ZBTB20: variants seen among roughly 807,000 people sequenced by gnomAD.
ZBTB20 encodes the protein zinc finger and BTB domain containing 20, also known as zinc finger and BTB domain-containing protein 20.
A neutral mutation model predicts 56.9 loss-of-function variants in ZBTB20; 9 were observed. The observed-to-expected ratio is 0.16, with a 90% CI of 0.10 to 0.28. The LOEUF is 0.28. ZBTB20 is among the 10% of genes least tolerant of loss of function. ZBTB20 has a pLI of 1.00. For synonymous variants in ZBTB20, 417 were observed against 420.7 expected, an observed-to-expected ratio of 0.99 and a Z score of 0.11; for missense variants, 655 against 1,003.0, an observed-to-expected ratio of 0.65 and a Z score of 4.69.
intron 4 of ZBTB20, among the ~76,000 whole-genome samples, chr3:114,891,687 T>C (rs190745712): frequency 5.3e-5 from 8 of 152,318 alleles, no homozygotes; most frequent in African/African-American, 1.9e-4. Context: ...CGATTAAATA[T>C]ATACCTGCCA....
At chr3:114,723,814 AAGCTTATTCC>A (rs1324213981) in intron 5 of ZBTB20, among the ~76,000 whole-genome samples, 2 of 152,188 alleles carry the variant, frequency 1.3e-5, no homozygotes, top group African/African-American at 4.8e-5. Context: ...AAATAATAAA[AAGCTTATTCC>A]AGTAGCCTTT....
At chr3:114,610,712 C>T (rs1213868510) in intron 6 of ZBTB20, among the ~76,000 whole-genome samples, 1 of 152,124 alleles carries the variant, frequency 6.6e-6, no homozygotes, top group Non-Finnish European at 1.5e-5. Flanking sequence ...AAGATGTGTA[C>T]TGGTGGTCTA....
chr3:114,763,596 T>C (rs996278033), intron 5 of ZBTB20, among the ~76,000 whole-genome samples: 1 of 152,148 alleles, frequency 6.6e-6, no homozygotes, highest in African/African-American at 2.4e-5. Flanking sequence ...ATATAGTACC[T>C]CAGTGTCTCC....
At chr3:114,558,535 A>G (rs1327131933) in intron 6 of ZBTB20, among the ~76,000 whole-genome samples, 3 of 152,032 alleles carry the variant, frequency 2.0e-5, no homozygotes, top group African/African-American at 7.2e-5. Flanking sequence ...CTGTTCAACA[A>G]AAGACATTTC....
At chr3:114,984,177 T>A (rs2078440340) in intron 2 of ZBTB20, among the ~76,000 whole-genome samples, 1 of 151,960 alleles carries the variant, frequency 6.6e-6, no homozygotes, top group Non-Finnish European at 1.5e-5. Context: ...GATCACAGGG[T>A]TTAGGATGTC....
In ZBTB20 at chr3:114,329,709, G is replaced by GAAAAA. The variant is rs57058775; in HGVS notation, c.*9291_*9295dup. The GAAAAA allele has an allele frequency of 9.4e-5, 6 of 63,918 alleles. No individual in the cohort carries two copies. The highest frequency in any genetic ancestry group is 1.6e-4 in the Non-Finnish European group (6 of 37,308). 4.0% of individuals were successfully genotyped at this position (63,918 alleles called of 1,614,324 possible). On this transcript the variant is annotated 3_prime_UTR_variant, in exon 12 of 12. Coordinates refer to ENST00000675478, the MANE Select transcript of ZBTB20 (RefSeq NM_001348800.3). ...TGAAACTCTGGTTTTACTTTTTTTG[G>GAAAAA]AAAAAAAAAAAAAAAAAAAAAAAAA...
At chr3:114,929,997 TAA>T (rs769866768) in intron 3 of ZBTB20, among the ~76,000 whole-genome samples, 5 of 152,192 alleles carry the variant, frequency 3.3e-5, no homozygotes, top group African/African-American at 9.7e-5. Flanking sequence ...ACAAAATGAA[TAA>T]GAGTACAACA....
intron 2 of ZBTB20, among the ~76,000 whole-genome samples, chr3:115,032,588 C>G (rs142337007): frequency 0.015 from 2,315 of 151,482 alleles, 32 homozygotes; most frequent in South Asian, 0.049. Context: ...AATACGCAAT[C>G]TTCTCAAGTG....
chr3:114,898,718 A>C (rs603796), intron 4 of ZBTB20, among the ~76,000 whole-genome samples: 131,604 of 152,060 alleles, frequency 0.87, 57,996 homozygotes, highest in East Asian at 0.99. Context: ...AGGTTAAATT[A>C]ATACCAAAGT....
intron 1 of ZBTB20, among the ~76,000 whole-genome samples, chr3:115,095,566 CAAAAACA>C (rs774500586): frequency 6.6e-6 from 1 of 151,736 alleles, no homozygotes; most frequent in Non-Finnish European, 1.5e-5. Flanking sequence ...GCTAGAGTGG[CAAAAACA>C]AAAAACAAAA....
At chr3:115,115,752 A>AT (rs1553897215) in intron 1 of ZBTB20, among the ~76,000 whole-genome samples, 1 of 152,034 alleles carries the variant, frequency 6.6e-6, no homozygotes, top group Non-Finnish European at 1.5e-5. Context: ...TAATTTAATG[A>AT]TTTTGTAAAG....
intron 3 of ZBTB20, among the ~76,000 whole-genome samples, chr3:114,920,100 T>C (rs760848008): frequency 6.6e-6 from 1 of 152,158 alleles, no homozygotes; most frequent in Non-Finnish European, 1.5e-5. Flanking sequence ...ATACATGCAC[T>C]CAACATTAGA....
intron 7 of ZBTB20, among the ~76,000 whole-genome samples, chr3:114,401,083 G>C (rs868429930): frequency 3.2e-4 from 43 of 133,092 alleles, no homozygotes; most frequent in African/African-American, 6.4e-4. Context: ...CTACCTCCCA[G>C]ACACACACAC....
chr3:114,538,344 C>T (rs1214099411), intron 6 of ZBTB20, among the ~76,000 whole-genome samples: 3 of 152,134 alleles, frequency 2.0e-5, no homozygotes, highest in Non-Finnish European at 4.4e-5. Context: ...CACAATTCTT[C>T]AACATTAGTA....
chr3:115,088,366 G>A (rs1297607471), intron 1 of ZBTB20, among the ~76,000 whole-genome samples: 1 of 151,714 alleles, frequency 6.6e-6, no homozygotes, highest in African/African-American at 2.4e-5. Context: ...CAATAAACTT[G>A]TAAGTCTGCT....
In ZBTB20 at chr3:114,329,735, A is replaced by AAC. The variant is rs1553785011; in HGVS notation, c.*9269_*9270insGT. On this transcript the variant is annotated 3_prime_UTR_variant, in exon 12 of 12. Coordinates refer to ENST00000675478, the MANE Select transcript of ZBTB20 (RefSeq NM_001348800.3). ...AAAAAAAAAAAAAAAAAAAAAAAAA[A>AAC]AACAACTCCCAGGAAAATGAACACT... 67 of 138,678 alleles carry AAC rather than the reference A, an allele frequency of 4.8e-4. 3 individuals are homozygous for AAC. The South Asian group carries it at 6.7e-3, about 14-fold the overall frequency. 8.6% of individuals were successfully genotyped at this position (138,678 alleles called of 1,614,324 possible).
chr3:114,343,143 G>GAA (rs532287052), intron 11 of ZBTB20, among the ~76,000 whole-genome samples: 4 of 109,236 alleles, frequency 3.7e-5, no homozygotes, highest in South Asian at 2.9e-4. Context: ...ACTGAAAAGT[G>GAA]AAAAAAAAAA....
chr3:115,139,849 T>C lies in ZBTB20; in HGVS notation c.-703+7370A>G, dbSNP rs866641677. Among the ~76,000 whole-genome samples, 3 of 152,060 alleles carry C rather than the reference T, an allele frequency of 2.0e-5. No homozygotes were observed. In the South Asian group the frequency reaches 6.2e-4, roughly 32 times the overall value. ...TGAGTTAAGATGAGTTGGCAAAGTATTTATGTAAACTAATAGATTTATTAT... is the reference window on the plus strand; with the variant it reads ...TGAGTTAAGATGAGTTGGCAAAGTACTTATGTAAACTAATAGATTTATTAT... On this transcript the variant is annotated intron_variant, in intron 1 of 11. Coordinates refer to ENST00000675478, the MANE Select transcript of ZBTB20 (RefSeq NM_001348800.3).
Position 114,461,306 on chromosome 3 carries a change from C to G in ZBTB20, c.-255+39046G>C, listed in dbSNP as rs374629864. ...AACAAAACAATCTCCTCCCCCCCCCCTCTTTTTTTTTGAGACAGGGTCTTG... is the reference window on the plus strand; with the variant it reads ...AACAAAACAATCTCCTCCCCCCCCCGTCTTTTTTTTTGAGACAGGGTCTTG... On this transcript the variant is annotated intron_variant, in intron 7 of 11. Coordinates refer to ENST00000675478, the MANE Select transcript of ZBTB20 (RefSeq NM_001348800.3). 4.0e-5 allele frequency among the ~76,000 whole-genome samples: 6 copies of G among 148,348 alleles called. No individual in the cohort carries two copies. In the South Asian group the frequency reaches 6.8e-4, roughly 17 times the overall value.
Sources: allele counts gnomAD v4.1 joint callset (sites outside exome capture counted in the v4.1 genomes callset), GRCh38; gene constraint gnomAD v4.1.1; transcripts MANE v1.5; gene names NCBI Gene and HGNC (gene_info 2026-07-23, HGNC 2026-07-21).